Variants in NBDY observed in about 807,000 individuals in gnomAD.
NBDY encodes P-body dissociating protein.
intron 2 of NBDY, among the ~76,000 whole-genome samples, chrX:56,740,037 C>G (rs1383203435): frequency 9.0e-6 from 1 of 111,367 alleles, no homozygotes; most frequent in Non-Finnish European, 1.9e-5. Context: ...TTTAAAAATA[C>G]CCTATTGTTA....
chrX:56,743,247 A>T (rs188722714), intron 2 of NBDY, among the ~76,000 whole-genome samples: 1 of 111,074 alleles, frequency 9.0e-6, no homozygotes, highest in African/African-American at 3.3e-5. Flanking sequence ...AATATTTATC[A>T]GAGATATTGG....
intron 2 of NBDY, among the ~76,000 whole-genome samples, chrX:56,786,829 C>G (rs983898950): frequency 6.3e-5 from 7 of 110,918 alleles, no homozygotes; most frequent in African/African-American, 2.3e-4. Flanking sequence ...AACATTAGGC[C>G]TGGAGAAAGC....
At position 56,787,634 on chromosome X, in the gene NBDY, A is replaced by AG. The variant is rs1306103347; in HGVS notation, c.*167-29682dup. ...TTAAAAAGGGACCCCACTTTGGGGT[A>AG]GGGGTAGATAAAGTCCCCTTGGGAT... On this transcript the variant is annotated intron_variant, in intron 2 of 2. Coordinates refer to ENST00000374922, the MANE Select transcript of NBDY (RefSeq NM_001348129.2). Among the ~76,000 whole-genome samples, 4 of 112,291 alleles carry AG rather than the reference A, an allele frequency of 3.6e-5. No homozygotes were observed. In the Admixed American group the frequency reaches 3.7e-4, roughly 11 times the overall value.
intron 2 of NBDY, among the ~76,000 whole-genome samples, chrX:56,743,314 G>C (rs1257957191): frequency 9.0e-6 from 1 of 111,171 alleles, no homozygotes; most frequent in Admixed American, 9.5e-5. Context: ...CATGGAATTA[G>C]TTTGGAAGTA....
intron 2 of NBDY, among the ~76,000 whole-genome samples, chrX:56,767,555 C>A (rs1363821364): frequency 8.8e-6 from 1 of 113,147 alleles, no homozygotes; most frequent in Non-Finnish European, 1.9e-5. Flanking sequence ...AGTTGCCGGT[C>A]GGCATGAGCT....
intron 2 of NBDY, among the ~76,000 whole-genome samples, chrX:56,783,531 T>C (rs2069708621): frequency 8.9e-6 from 1 of 112,370 alleles, no homozygotes; most frequent in South Asian, 3.8e-4. Context: ...GCCTGGCTGA[T>C]CTGTCTCGGG....
At chrX:56,755,217 G>A (rs1015422869) in intron 2 of NBDY, among the ~76,000 whole-genome samples, 3 of 112,078 alleles carry the variant, frequency 2.7e-5, no homozygotes, top group African/African-American at 6.5e-5. Flanking sequence ...TACCATTCAC[G>A]ACATAGGCAT....
chrX:56,781,404 G>T (rs779691746), intron 2 of NBDY, among the ~76,000 whole-genome samples: 7 of 111,838 alleles, frequency 6.3e-5, no homozygotes, highest in Non-Finnish European at 1.3e-4. Flanking sequence ...AGGGAACAGG[G>T]CAGTCTCCTG....
chrX:56,755,320 C>G (rs2069604373), intron 2 of NBDY, among the ~76,000 whole-genome samples: 1 of 112,219 alleles, frequency 8.9e-6, no homozygotes, highest in Admixed American at 9.4e-5. Flanking sequence ...AGCTTCTGCA[C>G]AGCAAAAGAA....
chrX:56,805,072 C>T (rs186200391), intron 2 of NBDY, among the ~76,000 whole-genome samples: 94 of 112,170 alleles, frequency 8.4e-4, no homozygotes, highest in Non-Finnish European at 1.5e-3. Context: ...CTCTCACGAA[C>T]GTCAGTTTCA....
intron 2 of NBDY, among the ~76,000 whole-genome samples, chrX:56,809,339 A>G (rs753526637): frequency 9.0e-6 from 1 of 111,542 alleles, no homozygotes; most frequent in Non-Finnish European, 1.9e-5. Flanking sequence ...TGATCTATCT[A>G]ATATTGACAG....
At chrX:56,808,496 C>T (rs1487674718) in intron 2 of NBDY, among the ~76,000 whole-genome samples, 1 of 112,060 alleles carries the variant, frequency 8.9e-6, no homozygotes, top group Admixed American at 9.4e-5. Context: ...GGAGAAGGTA[C>T]ATGTCCAGGA....
chrX:56,758,141 C>T (rs2069620607), intron 2 of NBDY, among the ~76,000 whole-genome samples: 1 of 110,331 alleles, frequency 9.1e-6, no homozygotes, highest in African/African-American at 3.3e-5. Context: ...TGAGACCAGC[C>T]TGGCAAATAT....
At chrX:56,784,892 TTACATA>T (rs1421459033) in intron 2 of NBDY, among the ~76,000 whole-genome samples, 2 of 112,428 alleles carry the variant, frequency 1.8e-5, no homozygotes, top group African/African-American at 6.5e-5. Flanking sequence ...GCTCTAAAGG[TTACATA>T]TGCTACCCAT....
At chrX:56,787,588 G>C (rs2069736238) in intron 2 of NBDY, among the ~76,000 whole-genome samples, 1 of 112,176 alleles carries the variant, frequency 8.9e-6, no homozygotes, top group Admixed American at 9.4e-5. Context: ...TGTGAAACTG[G>C]AGCATCCTGG....
intron 2 of NBDY, among the ~76,000 whole-genome samples, chrX:56,816,107 A>G (rs1229668050): frequency 9.0e-6 from 1 of 111,645 alleles, no homozygotes; most frequent in African/African-American, 3.2e-5. Context: ...TTTAAAAGAT[A>G]GATAATGGAT....
rs1156638051 is a variant in NBDY at position 56,819,002 on chromosome X, AAC to A, written c.*1851_*1852del. On this transcript the variant is annotated 3_prime_UTR_variant, in exon 3 of 3. Transcript: ENST00000374922. ...TCTACATGCAAAAAAAAAACAAAAA[AAC>A]AAAAAACTTCCACCCCTACCTCATG... 2.7e-5 allele frequency: 3 copies of A among 109,416 alleles called. No homozygotes were observed. The highest frequency in any genetic ancestry group is 9.9e-5 in the African/African-American group (3 of 30,279). 9.0% of individuals were successfully genotyped at this position (109,416 alleles called of 1,213,427 possible). A position where few individuals can be genotyped will look rare whatever the true frequency, so the allele number is the denominator to read the frequency against.
At chrX:56,743,211 A>G (rs778617607) in intron 2 of NBDY, among the ~76,000 whole-genome samples, 16 of 110,972 alleles carry the variant, frequency 1.4e-4, no homozygotes, top group Non-Finnish European at 2.5e-4. Context: ...TTGATTTGCT[A>G]GTAGTGTGTT....
chrX:56,801,028 C>T (rs12009935), intron 2 of NBDY, among the ~76,000 whole-genome samples: 118 of 111,867 alleles, frequency 1.1e-3, no homozygotes, highest in African/African-American at 3.3e-3. Flanking sequence ...TTGCAGTGCG[C>T]TGATGACATC....
Sources: gnomAD v4.1 joint callset for allele counts (sites outside exome capture counted in the v4.1 genomes callset) on GRCh38, gnomAD v4.1.1 for gene constraint, MANE v1.5 for transcripts, NCBI Gene and HGNC (gene_info 2026-07-23, HGNC 2026-07-21) for gene names.